The following AK9 variants were observed in gnomAD, a reference collection of about 807,000 sequenced individuals.
AK9 encodes adenylate kinase domain containing 1.
AK9 carries 191 observed loss-of-function variants against 239.6 expected under a neutral mutation model. The ratio of observed to expected loss-of-function variants is 0.80; its 90% CI spans 0.71 to 0.90. AK9 has a LOEUF of 0.90. Ranked by LOEUF, AK9 falls within the 40% of genes least tolerant of loss-of-function variation. The probability of loss-of-function intolerance (pLI) is 0.00; values close to 1 mark genes in which losing one functional copy is unlikely to be tolerated. For synonymous variants in AK9, 689 were observed against 721.0 expected, an observed-to-expected ratio of 0.96 and a Z score of 0.71; for missense variants, 1,995 against 2,214.7, an observed-to-expected ratio of 0.90 and a Z score of 1.99.
At chr6:109,596,052 A>G (rs923920912) in intron 17 of AK9, among the ~76,000 whole-genome samples, 1 of 152,102 alleles carries the variant, frequency 6.6e-6, no homozygotes, top group Non-Finnish European at 1.5e-5. Context: ...AAAAAAATCT[A>G]TTTCTATTGG....
intron 12 of AK9, among the ~76,000 whole-genome samples, chr6:109,622,746 A>G (rs1436122418): frequency 6.6e-6 from 1 of 151,098 alleles, no homozygotes; most frequent in Non-Finnish European, 1.5e-5. Context: ...ATATTTTGGT[A>G]TATACATTTT....
At chr6:109,598,956 T>C (rs1791494854) in intron 17 of AK9, among the ~76,000 whole-genome samples, 2 of 152,192 alleles carry the variant, frequency 1.3e-5, no homozygotes, top group South Asian at 4.1e-4. Context: ...TTGAGTTCTT[T>C]GTAGATTCTG....
chr6:109,519,358 G>C (rs929430410), intron 29 of AK9, among the ~76,000 whole-genome samples: 1 of 152,160 alleles, frequency 6.6e-6, no homozygotes, highest in African/African-American at 2.4e-5. Context: ...GGGTCGAATG[G>C]TATTTCTGTT....
intron 17 of AK9, among the ~76,000 whole-genome samples, chr6:109,595,106 T>C (rs1790838046): frequency 6.6e-6 from 1 of 152,162 alleles, no homozygotes; most frequent in South Asian, 2.1e-4. Context: ...TTGCAATCTA[T>C]GCATCTGACA....
In AK9 at chr6:109,641,583, T is replaced by C. The variant is rs756801595; in HGVS notation, c.868A>G (p.Lys290Glu). The C allele has an allele frequency of 1.2e-6, 2 of 1,613,638 alleles. No individual in the cohort carries two copies. The change falls in exon 10 of 41, where the codon AAA becomes GAA. Residue 290 changes from lysine to glutamate, a missense_variant. Coordinates refer to ENST00000424296, the MANE Select transcript of AK9 (RefSeq NM_001145128.3). ...AGTTTGGTTAGAATAGCTGCTCTTT[T>C]TAGGTTCAGATATTTAAGTCGATCC... ...VMDRLKYLNL[K>E]RAAILTKLQG...
chr6:109,611,876 G>C (rs1355655791), intron 16 of AK9, 134 bp downstream of exon 16: 2 of 627,978 alleles, frequency 3.2e-6, no homozygotes, highest in African/African-American at 3.8e-5. Context: ...CATTAAAATA[G>C]AGTACTTGGG....
At chr6:109,540,921 T>A (rs1388411172) in intron 27 of AK9, among the ~76,000 whole-genome samples, 1 of 152,198 alleles carries the variant, frequency 6.6e-6, no homozygotes, top group Non-Finnish European at 1.5e-5. Context: ...TCTGGAATTA[T>A]ACACACATTA....
chr6:109,493,248 G>A lies in AK9; in HGVS notation c.*121C>T, dbSNP rs1389494688. On this transcript the variant is annotated 3_prime_UTR_variant, in exon 41 of 41. Transcript: ENST00000424296. Reference sequence around the variant, plus strand: ...GTTCACCTGAAGTCTGGCAGCCATGGTACCTTGCTCAGGAGGCAAAAGTAC... The same window carrying A: ...GTTCACCTGAAGTCTGGCAGCCATGATACCTTGCTCAGGAGGCAAAAGTAC... 2 of 993,550 alleles carry A rather than the reference G, an allele frequency of 2.0e-6. No individual in the cohort carries two copies. The highest frequency in any genetic ancestry group is 3.0e-6 in the Non-Finnish European group (2 of 669,846). The allele number at this position is 993,550 out of a possible 1,614,324, so 61.5% of individuals were successfully genotyped here. A position where few individuals can be genotyped will look rare whatever the true frequency, so the allele number is the denominator to read the frequency against.
chr6:109,548,452 G>A (rs1010119592), intron 25 of AK9, among the ~76,000 whole-genome samples: 14 of 152,076 alleles, frequency 9.2e-5, no homozygotes, highest in African/African-American at 1.2e-4. Flanking sequence ...TGAAAGTTTC[G>A]GGGACAATGC....
intron 24 of AK9, among the ~76,000 whole-genome samples, chr6:109,553,470 A>G (rs555406343): frequency 5.9e-5 from 9 of 152,182 alleles, no homozygotes; most frequent in African/African-American, 1.4e-4. Context: ...GTGATTGTGA[A>G]TGGAAGTTCA....
intron 12 of AK9, among the ~76,000 whole-genome samples, chr6:109,624,821 T>C (rs901194401): frequency 1.3e-5 from 2 of 152,162 alleles, no homozygotes; most frequent in Non-Finnish European, 2.9e-5. Flanking sequence ...CTACAAGAAT[T>C]CCTATATGGA....
chr6:109,672,622 T>G (rs1771096452), intron 3 of AK9, among the ~76,000 whole-genome samples: 1 of 152,072 alleles, frequency 6.6e-6, no homozygotes, highest in Non-Finnish European at 1.5e-5. Flanking sequence ...GGAGGTCAAG[T>G]TTGCAGAGAG....
chr6:109,622,759 G>A (rs982875453), intron 12 of AK9, among the ~76,000 whole-genome samples: 2 of 150,608 alleles, frequency 1.3e-5, no homozygotes, highest in Non-Finnish European at 3.0e-5. Context: ...TACATTTTTG[G>A]TACATAAACT....
chr6:109,575,613 C>T lies in AK9; in HGVS notation c.2192-2019G>A, dbSNP rs147154768. 6.9e-3 allele frequency among the ~76,000 whole-genome samples: 1,046 copies of T among 152,192 alleles called. 13 individuals are homozygous for T. The highest frequency in any genetic ancestry group is 0.024 in the African/African-American group (1,012 of 41,528). On this transcript the variant is annotated intron_variant, in intron 20 of 40. Transcript: ENST00000424296. ...GATGCGTAGTTTGTGAAGATTTTCT[C>T]CCACTCTGTGGGTTGTCTGTTTACT...
chr6:109,636,038 T>C (rs1796669217), intron 10 of AK9, among the ~76,000 whole-genome samples: 1 of 152,160 alleles, frequency 6.6e-6, no homozygotes, highest in Non-Finnish European at 1.5e-5. Flanking sequence ...ATATATACCA[T>C]TGAATAAAGG....
At chr6:109,668,453 T>C (rs1427591657) in intron 5 of AK9, among the ~76,000 whole-genome samples, 1 of 151,810 alleles carries the variant, frequency 6.6e-6, no homozygotes, top group Non-Finnish European at 1.5e-5. Context: ...TTTGGTATTT[T>C]AGACATGAAG....
At chr6:109,551,770 CAA>C (rs141456654) in intron 24 of AK9, among the ~76,000 whole-genome samples, 63 of 135,104 alleles carry the variant, frequency 4.7e-4, no homozygotes, top group African/African-American at 1.6e-3. Context: ...TTATTTCTTC[CAA>C]AAAAAAAAAG....
At chr6:109,509,941 A>G (rs1778517105) in intron 32 of AK9, among the ~76,000 whole-genome samples, 1 of 152,100 alleles carries the variant, frequency 6.6e-6, no homozygotes, top group Non-Finnish European at 1.5e-5. Context: ...CTGCAGGCTC[A>G]GGGGTGTCTG....
intron 20 of AK9, among the ~76,000 whole-genome samples, chr6:109,577,072 G>A (rs762084239): frequency 6.6e-5 from 10 of 151,892 alleles, no homozygotes; most frequent in African/African-American, 1.9e-4. Context: ...CCTTGTGATC[G>A]GCCCACCTCG....
Sources: allele counts gnomAD v4.1 joint callset (sites outside exome capture counted in the v4.1 genomes callset), GRCh38; gene constraint gnomAD v4.1.1; transcripts MANE v1.5; gene names NCBI Gene and HGNC (gene_info 2026-07-23, HGNC 2026-07-21).